The following SLIT3 variants were observed in gnomAD, a reference collection of about 807,000 sequenced individuals.
SLIT3 encodes the protein slit guidance ligand 3.
Under a neutral mutation model 184.0 loss-of-function variants are expected in SLIT3, and 68 were observed. The observed-to-expected ratio is 0.37, with a 90% CI of 0.30 to 0.45. The LOEUF is 0.45. Among genes scored for constraint, SLIT3 ranks in the 20% least tolerant of loss-of-function variants. The pLI is 1.00. For missense variants in SLIT3, 1,707 were observed against 2,026.0 expected, an observed-to-expected ratio of 0.84 and a Z score of 3.02; for synonymous variants, 831 against 828.6, an observed-to-expected ratio of 1.00 and a Z score of -0.05.
intron 3 of SLIT3, among the ~76,000 whole-genome samples, chr5:169,198,729 C>T (rs1312352256): frequency 1.3e-5 from 2 of 152,050 alleles, no homozygotes; most frequent in East Asian, 1.9e-4. Flanking sequence ...GTCAGGAGCT[C>T]GAGACCAGCC....
At chr5:169,047,477 T>C (rs748665848) in intron 4 of SLIT3, among the ~76,000 whole-genome samples, 1 of 151,884 alleles carries the variant, frequency 6.6e-6, no homozygotes, top group Non-Finnish European at 1.5e-5. Flanking sequence ...CCAGAGGTCT[T>C]CACGGCAGAC....
At chr5:169,092,437 T>A (rs1221261144) in intron 4 of SLIT3, among the ~76,000 whole-genome samples, 1 of 152,150 alleles carries the variant, frequency 6.6e-6, no homozygotes, top group Non-Finnish European at 1.5e-5. Flanking sequence ...TTGTATTCCA[T>A]CCCATTCCAT....
At chr5:168,699,061 C>T (rs1313276477) in intron 27 of SLIT3, among the ~76,000 whole-genome samples, 2 of 152,190 alleles carry the variant, frequency 1.3e-5, no homozygotes, top group Non-Finnish European at 2.9e-5. Flanking sequence ...TGTTTCCTGG[C>T]TGGGGCCCCG....
chr5:169,109,628 C>T (rs969065624), intron 4 of SLIT3, among the ~76,000 whole-genome samples: 1 of 152,210 alleles, frequency 6.6e-6, no homozygotes, highest in Non-Finnish European at 1.5e-5. Flanking sequence ...ACTTTTCCCT[C>T]TCTCTGGAAG....
intron 4 of SLIT3, among the ~76,000 whole-genome samples, chr5:169,166,007 T>C (rs948039788): frequency 5.9e-5 from 9 of 152,212 alleles, no homozygotes; most frequent in Non-Finnish European, 4.4e-5. Flanking sequence ...CATATCATCA[T>C]GCCTATCTTA....
intron 4 of SLIT3, among the ~76,000 whole-genome samples, chr5:168,919,286 A>T (rs1331207995): frequency 6.6e-6 from 1 of 151,366 alleles, no homozygotes; most frequent in Non-Finnish European, 1.5e-5. Context: ...GAAACATAGG[A>T]TATATACAAA....
intron 4 of SLIT3, among the ~76,000 whole-genome samples, chr5:168,961,762 C>T (rs571758943): frequency 6.6e-6 from 1 of 152,154 alleles, no homozygotes; most frequent in South Asian, 2.1e-4. Flanking sequence ...AAGAAAGAGC[C>T]ACGGGGCCTA....
intron 4 of SLIT3, among the ~76,000 whole-genome samples, chr5:169,055,997 C>A (rs1757989713): frequency 6.6e-6 from 1 of 152,164 alleles, no homozygotes; most frequent in African/African-American, 2.4e-5. Context: ...CATGATCTGA[C>A]TTTGGTTCTC....
At chr5:168,984,340 T>G (rs1417924063) in intron 4 of SLIT3, among the ~76,000 whole-genome samples, 1 of 152,154 alleles carries the variant, frequency 6.6e-6, no homozygotes, top group African/African-American at 2.4e-5. Flanking sequence ...TCGCCCTCTT[T>G]AACAAGAGAA....
intron 4 of SLIT3, among the ~76,000 whole-genome samples, chr5:168,907,961 TATATATATATATATATATAGAGAG>T (rs1562000085): frequency 1.0e-3 from 83 of 82,468 alleles, no homozygotes; most frequent in Middle Eastern, 0.015. Flanking sequence ...TATATATATA[TATATATATATATATATATAGAGAG>T]AGAGAGAGAG....
At chr5:168,786,539 T>TC (rs1463750374) in intron 11 of SLIT3, among the ~76,000 whole-genome samples, 1 of 152,318 alleles carries the variant, frequency 6.6e-6, no homozygotes, top group African/African-American at 2.4e-5. Context: ...AGCTTTGCTG[T>TC]CTCACAGTAA....
At chr5:168,836,656 A>C (rs897702408) in intron 6 of SLIT3, among the ~76,000 whole-genome samples, 2 of 152,194 alleles carry the variant, frequency 1.3e-5, no homozygotes, top group African/African-American at 4.8e-5. Context: ...GAGATCTGGC[A>C]GCTGGAATGT....
At chr5:168,929,081 C>T (rs546040613) in intron 4 of SLIT3, among the ~76,000 whole-genome samples, 3 of 152,228 alleles carry the variant, frequency 2.0e-5, no homozygotes, top group South Asian at 2.1e-4. Context: ...CTGTTCAATC[C>T]TCACAACAAC....
intron 4 of SLIT3, among the ~76,000 whole-genome samples, chr5:168,971,404 T>C (rs1368609608): frequency 6.6e-6 from 1 of 152,236 alleles, no homozygotes; most frequent in Non-Finnish European, 1.5e-5. Context: ...GAGGTTCCAC[T>C]GTACCCCATT....
At chr5:169,014,258 C>A (rs1397274640) in intron 4 of SLIT3, among the ~76,000 whole-genome samples, 1 of 152,108 alleles carries the variant, frequency 6.6e-6, no homozygotes, top group Non-Finnish European at 1.5e-5. Context: ...TATCACCTGC[C>A]TTTATACATT....
intron 4 of SLIT3, among the ~76,000 whole-genome samples, chr5:169,071,648 A>C (rs1223136321): frequency 1.3e-5 from 2 of 152,176 alleles, no homozygotes; most frequent in Non-Finnish European, 2.9e-5. Context: ...TTTTTGTGGC[A>C]GTCCTTTGAC....
At chr5:168,698,810 A>G (rs1034277217) in intron 27 of SLIT3, among the ~76,000 whole-genome samples, 13 of 151,622 alleles carry the variant, frequency 8.6e-5, no homozygotes, top group African/African-American at 3.2e-4. Context: ...TTAACCTTCC[A>G]CCCCATTTCC....
At chr5:168,841,524 T>A (rs1046529672) in intron 6 of SLIT3, among the ~76,000 whole-genome samples, 1 of 152,124 alleles carries the variant, frequency 6.6e-6, no homozygotes, top group Non-Finnish European at 1.5e-5. Flanking sequence ...ACATCCCCCA[T>A]CGGGAATGAG....
chr5:169,249,449 A>T (rs59663677), intron 2 of SLIT3, among the ~76,000 whole-genome samples: 1 of 152,206 alleles, frequency 6.6e-6, no homozygotes, highest in Non-Finnish European at 1.5e-5. Context: ...TAAACTTTCT[A>T]TTTGCAGAAA....
Sources: allele counts gnomAD v4.1 joint callset (sites outside exome capture counted in the v4.1 genomes callset), GRCh38; gene constraint gnomAD v4.1.1; transcripts MANE v1.5; gene names NCBI Gene and HGNC (gene_info 2026-07-23, HGNC 2026-07-21).